The following DLGAP2 variants were observed in gnomAD, a reference collection of about 807,000 sequenced individuals.
DLGAP2 encodes DLG associated protein 2.
DLGAP2 carries 26 observed loss-of-function variants against 100.3 expected under a neutral mutation model. The ratio of observed to expected loss-of-function variants is 0.26; its 90% CI spans 0.19 to 0.36. DLGAP2 has a LOEUF of 0.36. Ranked by LOEUF, DLGAP2 falls within the 10% of genes least tolerant of loss-of-function variation. The probability of loss-of-function intolerance (pLI) is 1.00; values close to 1 mark genes in which losing one functional copy is unlikely to be tolerated. For missense variants in DLGAP2, 1,858 were observed against 1,453.2 expected (o/e 1.28, Z -4.53); for synonymous variants, 886 against 630.1 (o/e 1.41, Z -6.08).
At chr8:1,049,728 CACAG>C (rs1329037249) in intron 2 of DLGAP2, among the ~76,000 whole-genome samples, 5 of 150,710 alleles carry the variant, frequency 3.3e-5, no homozygotes, top group Non-Finnish European at 5.9e-5. Context: ...TGAATGGAGG[CACAG>C]ACATACATGA....
At chr8:1,675,101 G>C (rs914325216) in intron 10 of DLGAP2, among the ~76,000 whole-genome samples, 2 of 152,168 alleles carry the variant, frequency 1.3e-5, no homozygotes, top group African/African-American at 4.8e-5. Context: ...CCAGTCTAGG[G>C]TCAGCTTCTG....
chr8:1,697,318 G>T lies in DLGAP2; in HGVS notation c.2949+19G>T. Reference sequence around the variant, plus strand: ...AAGAAAGGTAAGGGCATCCATGCAGGGCCGGCTCCCAGCAAACCCCCTTTC... The same window carrying T: ...AAGAAAGGTAAGGGCATCCATGCAGTGCCGGCTCCCAGCAAACCCCCTTTC... On this transcript the variant is annotated intron_variant, in intron 14 of 14. Coordinates refer to ENST00000637795, the MANE Select transcript of DLGAP2 (RefSeq NM_001346810.2). 6.4e-7 allele frequency: 1 copy of T among 1,574,250 alleles called. No homozygotes were observed. The highest frequency in any genetic ancestry group is 8.7e-7 in the Non-Finnish European group (1 of 1,155,934).
intron 3 of DLGAP2, among the ~76,000 whole-genome samples, chr8:1,264,294 T>A (rs1403730204): frequency 6.6e-6 from 1 of 151,900 alleles, no homozygotes; most frequent in African/African-American, 2.4e-5. Context: ...GGGGCTGGGG[T>A]TGCGGTCTGT....
intron 13 of DLGAP2, among the ~76,000 whole-genome samples, chr8:1,693,140 A>G (rs994390037): frequency 5.6e-5 from 7 of 124,266 alleles, no homozygotes; most frequent in Admixed American, 8.5e-5. Context: ...ACATTAACAT[A>G]TAACAAATAT....
At chr8:1,512,715 C>T (rs781342598) in intron 4 of DLGAP2, among the ~76,000 whole-genome samples, 11 of 152,242 alleles carry the variant, frequency 7.2e-5, no homozygotes, top group Non-Finnish European at 1.3e-4. Flanking sequence ...TACCCCAGCT[C>T]GCTGTGTCCA....
intron 4 of DLGAP2, among the ~76,000 whole-genome samples, chr8:1,533,906 C>G (rs1026433440): frequency 6.6e-6 from 1 of 152,148 alleles, no homozygotes; most frequent in Non-Finnish European, 1.5e-5. Context: ...AGTGAGCTAT[C>G]ATCACACCAC....
chr8:1,155,233 T>G (rs1239829314), intron 2 of DLGAP2, among the ~76,000 whole-genome samples: 1 of 152,192 alleles, frequency 6.6e-6, no homozygotes, highest in Non-Finnish European at 1.5e-5. Context: ...AGTGAACAGA[T>G]GCGTGAATGA....
At chr8:909,563 G>C (rs1276320027) in intron 2 of DLGAP2, among the ~76,000 whole-genome samples, 1 of 151,950 alleles carries the variant, frequency 6.6e-6, no homozygotes, top group African/African-American at 2.4e-5. Flanking sequence ...GAGACTCCAA[G>C]TAATCAATCT....
intron 2 of DLGAP2, among the ~76,000 whole-genome samples, chr8:1,124,951 A>G (rs979634714): frequency 6.6e-6 from 1 of 152,180 alleles, no homozygotes. Flanking sequence ...CGTCCCCCTC[A>G]TCGCTGACTG....
chr8:1,355,255 C>G (rs965773718), intron 3 of DLGAP2, among the ~76,000 whole-genome samples: 1 of 152,272 alleles, frequency 6.6e-6, no homozygotes, highest in East Asian at 1.9e-4. Flanking sequence ...GTGCACAGCA[C>G]AGGCAGAGAG....
intron 2 of DLGAP2, among the ~76,000 whole-genome samples, chr8:1,032,253 C>G (rs1262252226): frequency 1.3e-5 from 2 of 152,182 alleles, no homozygotes; most frequent in Admixed American, 6.5e-5. Context: ...CGCCACCACC[C>G]GTGGCTCTGC....
At chr8:858,033 C>G (rs1797315165) in intron 1 of DLGAP2, among the ~76,000 whole-genome samples, 1 of 152,114 alleles carries the variant, frequency 6.6e-6, no homozygotes, top group Admixed American at 6.5e-5. Flanking sequence ...CCATGCCCGG[C>G]TAATTTTGTA....
chr8:1,517,716 C>G (rs1415090337), intron 4 of DLGAP2, among the ~76,000 whole-genome samples: 1 of 152,230 alleles, frequency 6.6e-6, no homozygotes, highest in Non-Finnish European at 1.5e-5. Context: ...ATTTGCAAGC[C>G]TCTCTGCAGT....
chr8:1,297,248 G>C (rs1800202617), intron 3 of DLGAP2: 1 of 152,244 alleles, frequency 6.6e-6, no homozygotes, highest in South Asian at 2.1e-4. Flanking sequence ...GCATGCATTT[G>C]TATCCACAAA....
rs765825782 is a variant in DLGAP2, at chr8:1,549,451, G to A, written c.998G>A (p.Ser333Asn). Residue 333 changes from serine to asparagine, a missense_variant, in exon 5 of 15, where the codon AGC becomes AAC. Ser to Asn is a conservative substitution (Grantham distance 46). Transcript: ENST00000637795. ...VAHCYPDALQ[S>N]PFGDLSLKTS... is the part of the protein sequence containing the mutation. The stretch of plus-strand genomic sequence containing the variant: ...CACTGCTACCCCGACGCGCTGCAGA[G>A]CCCCTTCGGGGACCTGTCCCTCAAG... The A allele has an allele frequency of 1.2e-6, 2 of 1,613,338 alleles. No individual in the cohort carries two copies. Among genetic ancestry groups the A allele is most frequent in the African/African-American group, 2.7e-5 (2 of 74,948 alleles).
intron 7 of DLGAP2, 80 bp downstream of exon 7, chr8:1,626,967 GC>G: frequency 3.3e-6 from 5 of 1,496,180 alleles, no homozygotes; most frequent in Non-Finnish European, 3.6e-6. Context: ...CGCATAGGTG[GC>G]GATGGCGCTG....
At chr8:1,163,158 G>C (rs1020898999) in intron 2 of DLGAP2, among the ~76,000 whole-genome samples, 1 of 152,218 alleles carries the variant, frequency 6.6e-6, no homozygotes, top group Non-Finnish European at 1.5e-5. Context: ...GGACGCACGT[G>C]CACTGAAACT....
intron 2 of DLGAP2, among the ~76,000 whole-genome samples, chr8:1,221,441 C>G (rs182411968): frequency 1.1e-3 from 161 of 152,268 alleles, no homozygotes; most frequent in African/African-American, 3.7e-3. Context: ...TCTCTTCTGG[C>G]TTGTAAGATG....
At chr8:1,042,712 G>A (rs113521979) in intron 2 of DLGAP2, among the ~76,000 whole-genome samples, 79 of 149,886 alleles carry the variant, frequency 5.3e-4, no homozygotes, top group African/African-American at 1.7e-3. Flanking sequence ...TCGGTGGTGG[G>A]TGTGGGTGGT....
Sources: allele counts gnomAD v4.1 joint callset (sites outside exome capture counted in the v4.1 genomes callset), GRCh38; gene constraint gnomAD v4.1.1; transcripts MANE v1.5; gene names NCBI Gene and HGNC (gene_info 2026-07-23, HGNC 2026-07-21).